IL1RAPL1: variants seen among roughly 807,000 people sequenced by gnomAD.
IL1RAPL1 encodes the protein interleukin 1 receptor accessory protein like 1, also known as interleukin-1 receptor accessory protein-like 1.
In IL1RAPL1, 3 loss-of-function variants were observed where a neutral mutation model predicts 48.4. The observed-to-expected ratio is 0.06, with a 90% CI of 0.03 to 0.16. The LOEUF (loss-of-function observed/expected upper bound fraction) is 0.16, where lower values mean the gene tolerates loss of function less well. IL1RAPL1 is among the 10% of genes least tolerant of loss of function. The pLI is 1.00. For synonymous variants in IL1RAPL1, 185 were observed against 187.7 expected, an observed-to-expected ratio of 0.99 and a Z score of 0.12; for missense variants, 349 against 530.6, an observed-to-expected ratio of 0.66 and a Z score of 3.36.
intron 2 of IL1RAPL1, among the ~76,000 whole-genome samples, chrX:28,927,185 G>A (rs1049677425): frequency 9.0e-6 from 1 of 111,494 alleles, no homozygotes; most frequent in South Asian, 3.8e-4. Context: ...GTGAGCCACT[G>A]TGTCCAGCCT....
rs188526388 is a variant in IL1RAPL1 at position 28,678,326 on chromosome X, A to G, written c.-25+90279A>G. Among the ~76,000 whole-genome samples, 795 of 110,957 alleles carry G rather than the reference A, an allele frequency of 7.2e-3. 6 individuals carry two copies. Among genetic ancestry groups the G allele is most frequent in the Middle Eastern group, 0.046 (10 of 218 alleles). On this transcript the variant is annotated intron_variant, in intron 1 of 10. Coordinates refer to ENST00000378993, the MANE Select transcript of IL1RAPL1 (RefSeq NM_014271.4). The stretch of plus-strand genomic sequence containing the variant: ...TCTGTATCTGTAATTCCTCCTAAGC[A>G]GGAGGATTCTGCCTCTGGGTCTCTC...
chrX:28,633,806 A>G (rs1934427265), intron 1 of IL1RAPL1, among the ~76,000 whole-genome samples: 1 of 111,823 alleles, frequency 8.9e-6, no homozygotes, highest in Non-Finnish European at 1.9e-5. Context: ...CAGACCATTC[A>G]TTTACTCTTT....
At chrX:29,139,909 G>A (rs1161537327) in intron 2 of IL1RAPL1, among the ~76,000 whole-genome samples, 1 of 111,377 alleles carries the variant, frequency 9.0e-6, no homozygotes, top group African/African-American at 3.3e-5. Context: ...ACCATTTAGT[G>A]TCTTAGTCAA....
intron 3 of IL1RAPL1, among the ~76,000 whole-genome samples, chrX:29,319,196 A>ATCTG (rs1932784444): frequency 1.9e-5 from 2 of 104,442 alleles, no homozygotes; most frequent in Non-Finnish European, 3.9e-5. Flanking sequence ...CTATCTATCT[A>ATCTG]TCTATCTATA....
rs145114153 is a variant in IL1RAPL1, at chrX:29,655,926, T to A, written c.704-12504T>A. Among the ~76,000 whole-genome samples the A allele has an allele frequency of 6.5e-3, 732 of 112,100 alleles. 5 individuals are homozygous for A. The highest frequency in any genetic ancestry group is 0.023 in the African/African-American group (706 of 30,855). ...TGTTAATTTTCCCTATGCATATGCT[T>A]ACTTGTGATCTTATATTTATGTTCT... On this transcript the variant is annotated intron_variant, in intron 5 of 10. Transcript: ENST00000378993.
rs1569232895 is a variant in IL1RAPL1, at chrX:29,081,022, T to TC, written c.83-201916_83-201915insC. Among the ~76,000 whole-genome samples the TC allele has an allele frequency of 2.7e-3, 106 of 39,230 alleles. 5 individuals are homozygous for TC. Among genetic ancestry groups the TC allele is most frequent in the Non-Finnish European group, 4.8e-3 (89 of 18,570 alleles). The allele number at this position is 39,230 out of a possible 115,157, so 34.1% of individuals were successfully genotyped here. A position where few individuals can be genotyped will look rare whatever the true frequency, so the allele number is the denominator to read the frequency against. On this transcript the variant is annotated intron_variant, in intron 2 of 10. Transcript: ENST00000378993. ...TCTCTCTCTCTCTCTCTCTCTCTCTTTCTTTTCTTTTCTTTTCTTTTCTTT... is the reference window on the plus strand; with the variant it reads ...TCTCTCTCTCTCTCTCTCTCTCTCTTCTCTTTTCTTTTCTTTTCTTTTCTTT...
intron 5 of IL1RAPL1, among the ~76,000 whole-genome samples, chrX:29,503,989 C>A (rs1042053574): frequency 9.8e-6 from 1 of 101,643 alleles, no homozygotes; most frequent in African/African-American, 3.6e-5. Flanking sequence ...GAGTCTTGCT[C>A]TGTCAAGTGC....
intron 2 of IL1RAPL1, among the ~76,000 whole-genome samples, chrX:28,934,173 T>C (rs1423080362): frequency 9.0e-6 from 1 of 110,913 alleles, no homozygotes; most frequent in Non-Finnish European, 1.9e-5. Flanking sequence ...CTAGTCAAAA[T>C]GGAGTCACTC....
chrX:29,125,106 A>G (rs1928873162), intron 2 of IL1RAPL1, among the ~76,000 whole-genome samples: 1 of 112,362 alleles, frequency 8.9e-6, no homozygotes, highest in Admixed American at 9.4e-5. Context: ...TTTCAACGTT[A>G]ATTCCTGTAG....
chrX:28,734,588 A>G (rs1935798833), intron 1 of IL1RAPL1, among the ~76,000 whole-genome samples: 1 of 108,743 alleles, frequency 9.2e-6, no homozygotes, highest in Non-Finnish European at 1.9e-5. Flanking sequence ...CTCTAGTTTT[A>G]AAACTATAAC....
chrX:28,853,477 G>A lies in IL1RAPL1; in HGVS notation c.82+64052G>A, dbSNP rs749369812. On this transcript the variant is annotated intron_variant, in intron 2 of 10. Coordinates refer to ENST00000378993, the MANE Select transcript of IL1RAPL1 (RefSeq NM_014271.4). ...GTTTCCCCATTGCAATCCCCTCAGT[G>A]CATGTGTGTGCGCGCGCACACACAC... Among the ~76,000 whole-genome samples, 387 of 58,084 alleles carry A rather than the reference G, an allele frequency of 6.7e-3. 3 individuals are homozygous for A. The highest frequency in any genetic ancestry group is 0.049 in the African/African-American group (355 of 7,271). The allele number at this position is 58,084 out of a possible 115,157, so 50.4% of individuals were successfully genotyped here.
chrX:28,910,788 G>C (rs182683665), intron 2 of IL1RAPL1, among the ~76,000 whole-genome samples: 2 of 108,060 alleles, frequency 1.9e-5, no homozygotes, highest in South Asian at 4.0e-4. Context: ...AAAAAAACAC[G>C]TGAGGTCTTT....
chrX:29,133,423 A>G (rs778760169), intron 2 of IL1RAPL1, among the ~76,000 whole-genome samples: 23 of 112,023 alleles, frequency 2.1e-4, no homozygotes, highest in Middle Eastern at 4.6e-3. Flanking sequence ...GTTTCCCCTC[A>G]GGTCTTAAAC....
intron 2 of IL1RAPL1, among the ~76,000 whole-genome samples, chrX:28,985,997 G>A (rs1386771358): frequency 8.9e-6 from 1 of 112,061 alleles, no homozygotes. Context: ...TCCATTTTAT[G>A]AAAATGAGTA....
intron 2 of IL1RAPL1, among the ~76,000 whole-genome samples, chrX:28,867,404 G>A (rs1160206415): frequency 9.0e-6 from 1 of 111,643 alleles, no homozygotes; most frequent in African/African-American, 3.3e-5. Flanking sequence ...TGAGCCAGGC[G>A]GCAGAAGTTT....
chrX:29,761,878 C>A (rs1003823486), intron 6 of IL1RAPL1, among the ~76,000 whole-genome samples: 7 of 111,822 alleles, frequency 6.3e-5, no homozygotes, highest in African/African-American at 2.3e-4. Flanking sequence ...AAATTAGAGT[C>A]AAATGTCCTC....
chrX:29,123,633 A>G (rs763128408), intron 2 of IL1RAPL1, among the ~76,000 whole-genome samples: 44 of 111,414 alleles, frequency 3.9e-4, no homozygotes, highest in Non-Finnish European at 6.4e-4. Flanking sequence ...ATCAAGAGTA[A>G]CTATGTTATG....
At chrX:29,799,947 G>A (rs149202748) in intron 6 of IL1RAPL1, among the ~76,000 whole-genome samples, 2,180 of 111,758 alleles carry the variant, frequency 0.02, 22 homozygotes, top group African/African-American at 0.039. Context: ...ATCGGAGTTG[G>A]TTGCCTGGAA....
In IL1RAPL1 at chrX:29,582,361, AT is replaced by A. The variant is rs1272999048; in HGVS notation, c.704-86062del. ...ATAAAGATAGCATCTTTTTTTTTTT[AT>A]TTTTTTATTTTTTTATTTTTATTTT... On this transcript the variant is annotated intron_variant, in intron 5 of 10. Transcript: ENST00000378993. Among the ~76,000 whole-genome samples the A allele has an allele frequency of 5.2e-4, 49 of 94,987 alleles. No homozygotes were observed. In the South Asian group the frequency reaches 0.017, roughly 34 times the overall value. 82.5% of individuals were successfully genotyped at this position (94,987 alleles called of 115,157 possible).
Sources: allele counts gnomAD v4.1 joint callset (sites outside exome capture counted in the v4.1 genomes callset), GRCh38; gene constraint gnomAD v4.1.1; transcripts MANE v1.5; gene names NCBI Gene and HGNC (gene_info 2026-07-23, HGNC 2026-07-21).